The following IPO11 variants were observed in gnomAD, a reference collection of about 807,000 sequenced individuals.
The protein encoded by IPO11 is importin 11.
A neutral mutation model predicts 143.2 loss-of-function variants in IPO11; 66 were observed. The ratio of observed to expected loss-of-function variants is 0.46; its 90% confidence interval spans 0.38 to 0.57. The LOEUF (loss-of-function observed/expected upper bound fraction) is 0.57, where lower values mean the gene tolerates loss of function less well. Among genes scored for constraint, IPO11 ranks in the 20% least tolerant of loss-of-function variants. IPO11 has a pLI of 0.00. For synonymous variants in IPO11, 385 were observed against 377.8 expected (o/e 1.02, Z -0.22); for missense variants, 1,026 against 1,141.0 (o/e 0.90, Z 1.45).
At chr5:62,427,909 A>G (rs1407456922) in intron 1 of IPO11, among the ~76,000 whole-genome samples, 1 of 152,224 alleles carries the variant, frequency 6.6e-6, no homozygotes, top group East Asian at 1.9e-4. Flanking sequence ...ATCTTTAGTC[A>G]ATCTGTTTGA....
At chr5:62,508,891 T>A (rs1741654717) in intron 19 of IPO11, among the ~76,000 whole-genome samples, 1 of 152,080 alleles carries the variant, frequency 6.6e-6, no homozygotes, top group Admixed American at 6.6e-5. Context: ...TTGCTGAGAA[T>A]GATGGTAATG....
chr5:62,493,012 A>G (rs915041342), intron 15 of IPO11, among the ~76,000 whole-genome samples: 1 of 152,238 alleles, frequency 6.6e-6, no homozygotes, highest in Non-Finnish European at 1.5e-5. Context: ...CTTGGACACA[A>G]ATGTTTTGAA....
In IPO11 at chr5:62,504,216, A is replaced by C. The variant is rs186159909; in HGVS notation, c.1591-451A>C. On this transcript the variant is annotated intron_variant, in intron 16 of 29. Transcript: ENST00000325324. Reference sequence around the variant, plus strand: ...TATTTTGGGGATATTTCAAAGATTTACTGTAATTGAGGTTACAGGTGGAAA... The same window carrying C: ...TATTTTGGGGATATTTCAAAGATTTCCTGTAATTGAGGTTACAGGTGGAAA... Among the ~76,000 whole-genome samples the C allele has an allele frequency of 2.0e-5, 3 of 152,320 alleles. No homozygotes were observed. In the South Asian group the frequency reaches 6.2e-4, roughly 32 times the overall value.
chr5:62,565,795 A>C (rs985351733), intron 27 of IPO11, among the ~76,000 whole-genome samples: 3 of 139,172 alleles, frequency 2.2e-5, no homozygotes, highest in African/African-American at 2.7e-5. Flanking sequence ...TACCCCCCCA[A>C]CTGGCCCTGG....
chr5:62,584,355 T>C (rs1744680077), intron 27 of IPO11, among the ~76,000 whole-genome samples: 1 of 152,076 alleles, frequency 6.6e-6, no homozygotes, highest in Admixed American at 6.6e-5. Context: ...CCAGCACTTT[T>C]GGAAGGCTGA....
chr5:62,428,424 A>G (rs1052482322), intron 1 of IPO11, among the ~76,000 whole-genome samples: 2 of 151,880 alleles, frequency 1.3e-5, no homozygotes, highest in African/African-American at 4.8e-5. Flanking sequence ...GCTCACTGCA[A>G]CCTCCGCCTC....
chr5:62,507,028 A>G (rs1741576826), intron 19 of IPO11, among the ~76,000 whole-genome samples: 3 of 152,200 alleles, frequency 2.0e-5, no homozygotes, highest in Non-Finnish European at 4.4e-5. Context: ...TGACACCTTG[A>G]GCAGATTTAT....
At chr5:62,509,000 G>A (rs1261186229) in intron 19 of IPO11, among the ~76,000 whole-genome samples, 1 of 152,196 alleles carries the variant, frequency 6.6e-6, no homozygotes, top group Non-Finnish European at 1.5e-5. Context: ...CATGGATGAA[G>A]CTGGATACAA....
intron 1 of IPO11, among the ~76,000 whole-genome samples, chr5:62,426,929 C>CTTT (rs1418832059): frequency 6.3e-5 from 6 of 95,450 alleles, no homozygotes; most frequent in African/African-American, 1.8e-4. Flanking sequence ...TTTTTTCTTT[C>CTTT]TGTTTTTTTT....
intron 21 of IPO11, among the ~76,000 whole-genome samples, chr5:62,527,935 T>C (rs775192394): frequency 6.6e-6 from 1 of 152,232 alleles, no homozygotes; most frequent in Non-Finnish European, 1.5e-5. Context: ...TAATCATCTT[T>C]GGTGAACCAC....
At chr5:62,476,553 T>C in intron 8 of IPO11, 130 bp from the exon 9 acceptor site, 2 of 1,010,194 alleles carry the variant, frequency 2.0e-6, no homozygotes, top group Non-Finnish European at 2.8e-6. Flanking sequence ...TTGGTATTGC[T>C]TTTTAAATAA....
intron 20 of IPO11, among the ~76,000 whole-genome samples, chr5:62,522,065 A>C (rs188567082): frequency 6.6e-6 from 1 of 152,118 alleles, no homozygotes; most frequent in African/African-American, 2.4e-5. Context: ...CATTTTAATC[A>C]TATCTGTTGA....
intron 6 of IPO11, 75 bp downstream of exon 6, chr5:62,467,338 G>A: frequency 7.0e-7 from 1 of 1,420,160 alleles, no homozygotes; most frequent in Non-Finnish European, 9.5e-7. Flanking sequence ...CCTTTAGACG[G>A]GTTTTCTGTT....
In IPO11 at chr5:62,510,722, G is replaced by A. The variant is rs545976932; in HGVS notation, c.1782+4365G>A. On this transcript the variant is annotated intron_variant, in intron 19 of 29. Transcript: ENST00000325324. ...CCTTCCTTTTATATCTTTCACAGCA[G>A]TCGGTGATTGATTTTTTTGTTTTTG... Among the ~76,000 whole-genome samples, 3 of 152,032 alleles carry A rather than the reference G, an allele frequency of 2.0e-5. No homozygotes were observed. The South Asian group carries it at 6.2e-4, about 32-fold the overall frequency.
chr5:62,505,370 A>G (rs889547050), intron 18 of IPO11, among the ~76,000 whole-genome samples: 12 of 152,218 alleles, frequency 7.9e-5, no homozygotes, highest in African/African-American at 2.9e-4. Flanking sequence ...GTGTTTTGCC[A>G]TAACTGGTAC....
chr5:62,515,822 T>G (rs1180284712), intron 20 of IPO11, among the ~76,000 whole-genome samples: 1 of 152,180 alleles, frequency 6.6e-6, no homozygotes, highest in African/African-American at 2.4e-5. Flanking sequence ...TAAACATACT[T>G]AATGTTTTCA....
chr5:62,526,818 C>G (rs1168427348), intron 21 of IPO11: 1 of 152,210 alleles, frequency 6.6e-6, no homozygotes, highest in African/African-American at 2.4e-5. Context: ...ATTAAGCTCA[C>G]TTTACTGTTG....
chr5:62,626,664 CTTT>C (rs535167129), intron 29 of IPO11, among the ~76,000 whole-genome samples: 1 of 136,206 alleles, frequency 7.3e-6, no homozygotes, highest in Non-Finnish European at 1.6e-5. Context: ...CGAGGAGTCC[CTTT>C]TTTTTTTTTT....
chr5:62,487,729 T>C lies in IPO11; in HGVS notation c.1219-42T>C, dbSNP rs1307277202. 3 of 1,506,832 alleles carry C rather than the reference T, an allele frequency of 2.0e-6. No homozygotes were observed. In the Admixed American group the frequency reaches 6.6e-5, roughly 33 times the overall value. 93.3% of individuals were successfully genotyped at this position (1,506,832 alleles called of 1,614,324 possible). ...TATTAAAGAATTAGTCAATATAGTA[T>C]GCAACTGTTTTGATGAGAAATTTGT... is the stretch of plus-strand genomic sequence containing the variant. On this transcript the variant is annotated intron_variant, in intron 12 of 29. Coordinates refer to ENST00000325324, the MANE Select transcript of IPO11 (RefSeq NM_016338.5).
Sources: allele counts gnomAD v4.1 joint callset (sites outside exome capture counted in the v4.1 genomes callset), GRCh38; gene constraint gnomAD v4.1.1; transcripts MANE v1.5; gene names NCBI Gene and HGNC (gene_info 2026-07-23, HGNC 2026-07-21).